MTFR2: variants seen among roughly 807,000 people sequenced by gnomAD.
MTFR2 encodes DUF729 domain-containing protein 1.
In MTFR2, 44 loss-of-function variants were observed where a neutral mutation model predicts 41.2. The observed-to-expected ratio is 1.07, with a 90% confidence interval of 0.84 to 1.37. The LOEUF is 1.37. Among genes scored for constraint, MTFR2 ranks in the 40% most tolerant of loss-of-function variants. The pLI is 0.00. For synonymous variants in MTFR2, 141 were observed against 154.6 expected (o/e 0.91, Z 0.65); for missense variants, 452 against 459.5 (o/e 0.98, Z 0.15).
At chr6:136,242,762 G>T in intron 4 of MTFR2, 99 bp downstream of exon 4, 1 of 847,976 alleles carries the variant, frequency 1.2e-6, no homozygotes, top group Admixed American at 2.7e-5. Flanking sequence ...ACAGTTTGAA[G>T]ATAAACAAAA....
At chr6:136,238,562 T>A (rs777712957) in intron 6 of MTFR2, among the ~76,000 whole-genome samples, 1 of 152,126 alleles carries the variant, frequency 6.6e-6, no homozygotes, top group South Asian at 2.1e-4. Context: ...AGTATAAAAT[T>A]TCAGTTATGC....
At chr6:136,243,049 T>C in intron 3 of MTFR2, 76 bp from the exon 4 acceptor site, 1 of 874,688 alleles carries the variant, frequency 1.1e-6, no homozygotes, top group Non-Finnish European at 1.7e-6. Flanking sequence ...TGGTATTAAA[T>C]TAGTTAACAA....
At chr6:136,232,003 A>T (rs1779772190) in intron 7 of MTFR2, among the ~76,000 whole-genome samples, 1 of 152,200 alleles carries the variant, frequency 6.6e-6, no homozygotes, top group Non-Finnish European at 1.5e-5. Context: ...GAGATGAGTA[A>T]AAAAGGTACT....
At chr6:136,241,076 G>A (rs1328209501) in intron 5 of MTFR2, among the ~76,000 whole-genome samples, 2 of 144,784 alleles carry the variant, frequency 1.4e-5, no homozygotes, top group Non-Finnish European at 3.0e-5. Flanking sequence ...GGGCGACAGA[G>A]CAAGACTGCG....
At chr6:136,239,888 C>G in intron 5 of MTFR2, 68 bp from the exon 6 acceptor site, 1 of 1,323,292 alleles carries the variant, frequency 7.6e-7, no homozygotes, top group Non-Finnish European at 1.0e-6. Flanking sequence ...ATTAATAACA[C>G]TAATTAGAAC....
chr6:136,233,874 T>C (rs1779834605), intron 6 of MTFR2, among the ~76,000 whole-genome samples: 1 of 151,816 alleles, frequency 6.6e-6, no homozygotes, highest in Non-Finnish European at 1.5e-5. Flanking sequence ...ATTACGCAAA[T>C]TGTTCATTTG....
rs759758528 is a variant in MTFR2, at chr6:136,241,638, A to G, written c.320T>C (p.Ile107Thr). Residue 107 changes from isoleucine to threonine, a missense_variant, in exon 5 of 8, where the codon ATT becomes ACT. By Grantham distance (89) the Ile-to-Thr change is moderately conservative (BLOSUM62 -1). Coordinates refer to ENST00000420702, the MANE Select transcript of MTFR2 (RefSeq NM_001099286.3). ...IWKNEEEKVE[I>T]FHPLRLVRDP... is the part of the protein sequence containing the mutation. Reference sequence around the variant, plus strand: ...CCGAACTAGTCGCAAAGGATGAAAAATTTCCACTTTCTCTTCTTCATTTTT... The same window carrying G: ...CCGAACTAGTCGCAAAGGATGAAAAGTTTCCACTTTCTCTTCTTCATTTTT... 2 of 1,613,186 alleles carry G rather than the reference A, an allele frequency of 1.2e-6. No individual in the cohort carries two copies. The highest frequency in any genetic ancestry group is 1.1e-5 in the South Asian group (1 of 90,674).
At chr6:136,233,649 A>G in intron 6 of MTFR2, 150 bp from the exon 7 acceptor site, 1 of 639,616 alleles carries the variant, frequency 1.6e-6, no homozygotes. Context: ...AAATTTTCGC[A>G]ATGAAATAAG....
At chr6:136,234,859 G>A (rs1348199617) in intron 6 of MTFR2, among the ~76,000 whole-genome samples, 5 of 152,196 alleles carry the variant, frequency 3.3e-5, no homozygotes, top group Admixed American at 1.3e-4. Flanking sequence ...AACGGTGGGA[G>A]ATAGAATGGA....
chr6:136,231,658 TAAAAACTATGTAAAAAAAA>T (rs1779759544), intron 7 of MTFR2, among the ~76,000 whole-genome samples: 1 of 74,460 alleles, frequency 1.3e-5, no homozygotes, highest in Admixed American at 1.5e-4. Flanking sequence ...AATTAAGTGC[TAAAAACTATGTAAAAAAAA>T]AAAAAAAAAA....
At chr6:136,243,878 T>C (rs1273479294) in intron 3 of MTFR2, among the ~76,000 whole-genome samples, 6 of 152,114 alleles carry the variant, frequency 3.9e-5, no homozygotes, top group Admixed American at 1.3e-4. Context: ...GGCAGTGATA[T>C]TGATGATTCT....
At chr6:136,248,481 T>C (rs1462637054) in intron 2 of MTFR2, among the ~76,000 whole-genome samples, 1 of 152,226 alleles carries the variant, frequency 6.6e-6, no homozygotes, top group Non-Finnish European at 1.5e-5. Flanking sequence ...ACAAGCTCTC[T>C]TGCCTGCCAC....
chr6:136,244,463 T>G (rs1212225423), intron 3 of MTFR2, among the ~76,000 whole-genome samples: 1 of 152,244 alleles, frequency 6.6e-6, no homozygotes, highest in Non-Finnish European at 1.5e-5. Flanking sequence ...ATAGCCTGGG[T>G]GCATAATAGG....
intron 6 of MTFR2, among the ~76,000 whole-genome samples, chr6:136,235,549 A>G (rs1167291946): frequency 6.6e-6 from 1 of 152,174 alleles, no homozygotes; most frequent in Non-Finnish European, 1.5e-5. Flanking sequence ...TTTAAAGACC[A>G]GGCCCAGGGG....
chr6:136,249,092 A>G lies in MTFR2; in HGVS notation c.8T>C (p.Leu3Pro). Reference protein sequence around the residue: MSLILNILREMLE... With the variant: MSPILNILREMLE... ...CATCTCTCTTAAGATATTCAGTATGAGAGACATTGATGAAGCAAATACAGA... is the reference window on the plus strand; with the variant it reads ...CATCTCTCTTAAGATATTCAGTATGGGAGACATTGATGAAGCAAATACAGA... The change falls in exon 2 of 8, where the codon CTC (leucine) becomes CCC (proline). Residue 3 changes from leucine (L) to proline (P), a missense_variant. By Grantham distance (98) the Leu-to-Pro change is moderately conservative (BLOSUM62 -3). Coordinates refer to ENST00000420702, the MANE Select transcript of MTFR2 (RefSeq NM_001099286.3). 6.3e-7 allele frequency: 1 copy of G among 1,589,894 alleles called. No individual in the cohort carries two copies. The highest frequency in any genetic ancestry group is 1.9e-5 in the Admixed American group (1 of 52,360).
chr6:136,246,877 T>A (rs2128459512), intron 2 of MTFR2, among the ~76,000 whole-genome samples: 1 of 152,316 alleles, frequency 6.6e-6, no homozygotes, highest in South Asian at 2.1e-4. Flanking sequence ...CTGAAATCCC[T>A]TCATAACATG....
At chr6:136,240,405 GT>G (rs1344225664) in intron 5 of MTFR2, among the ~76,000 whole-genome samples, 29 of 151,456 alleles carry the variant, frequency 1.9e-4, no homozygotes, top group Non-Finnish European at 4.1e-4. Flanking sequence ...ATATGTAAAT[GT>G]TATAAATATA....
intron 6 of MTFR2, among the ~76,000 whole-genome samples, chr6:136,236,621 T>G (rs1401659872): frequency 6.6e-6 from 1 of 152,076 alleles, no homozygotes; most frequent in Admixed American, 6.5e-5. Context: ...AGCCATGAGA[T>G]TCTTCTCAAC....
intron 5 of MTFR2, among the ~76,000 whole-genome samples, chr6:136,240,911 G>T (rs1028899829): frequency 6.6e-6 from 1 of 152,126 alleles, no homozygotes; most frequent in Non-Finnish European, 1.5e-5. Context: ...CTAACACGGT[G>T]AAACCCCGTC....
Sources: gnomAD v4.1 joint callset for allele counts (sites outside exome capture counted in the v4.1 genomes callset) on GRCh38, gnomAD v4.1.1 for gene constraint, MANE v1.5 for transcripts, NCBI Gene and HGNC (gene_info 2026-07-23, HGNC 2026-07-21) for gene names.